The following STPG2 variants were observed in gnomAD, a reference collection of about 807,000 sequenced individuals.
STPG2 encodes the protein sperm tail PG-rich repeat containing 2, also known as sperm-tail PG-rich repeat-containing protein 2.
A neutral mutation model predicts 54.2 loss-of-function variants in STPG2; 56 were observed. The observed-to-expected ratio is 1.03, with a 90% confidence interval of 0.83 to 1.29. STPG2 has a LOEUF of 1.29. Among genes scored for constraint, STPG2 ranks in the 50% most tolerant of loss-of-function variants. The pLI, the probability that STPG2 is intolerant of heterozygous loss-of-function variation, is 0.00. For missense variants in STPG2, 596 were observed against 544.9 expected (o/e 1.09, Z -0.93); for synonymous variants, 200 against 181.8 (o/e 1.10, Z -0.81).
intron 7 of STPG2, among the ~76,000 whole-genome samples, chr4:97,963,325 C>T (rs1480122096): frequency 2.0e-5 from 3 of 152,020 alleles, no homozygotes; most frequent in East Asian, 3.8e-4. Context: ...TATATCAGCA[C>T]TTAAAATAGT....
chr4:97,547,015 T>A (rs200364341), intron 4 of STPG2, among the ~76,000 whole-genome samples: 17 of 152,058 alleles, frequency 1.1e-4, no homozygotes, highest in East Asian at 5.8e-4. Flanking sequence ...TAGGTTTTTT[T>A]AAAAAAAATA....
At chr4:97,954,855 A>G (rs775327749) in intron 7 of STPG2, among the ~76,000 whole-genome samples, 3 of 152,212 alleles carry the variant, frequency 2.0e-5, no homozygotes, top group Non-Finnish European at 2.9e-5. Context: ...AACAGAAGGC[A>G]TGGTCAAAAA....
chr4:97,448,465 T>C (rs558642721), intron 4 of STPG2, among the ~76,000 whole-genome samples: 6 of 152,098 alleles, frequency 3.9e-5, no homozygotes, highest in Non-Finnish European at 7.4e-5. Flanking sequence ...AATTGGATCA[T>C]GGGGGTGTTT....
chr4:97,836,997 C>T (rs1384472114), intron 9 of STPG2, among the ~76,000 whole-genome samples: 6 of 151,310 alleles, frequency 4.0e-5, no homozygotes, highest in Admixed American at 1.3e-4. Flanking sequence ...AGTCTCAATA[C>T]ATATTTGTTA....
chr4:98,029,879 G>C (rs1463154184), intron 5 of STPG2, among the ~76,000 whole-genome samples: 1 of 152,094 alleles, frequency 6.6e-6, no homozygotes, highest in Non-Finnish European at 1.5e-5. Flanking sequence ...TCAGTAGAAA[G>C]GCCAAAGTAA....
chr4:97,672,166 CTTTT>C (rs70953079), intron 10 of STPG2, among the ~76,000 whole-genome samples: 1 of 80,698 alleles, frequency 1.2e-5, no homozygotes, highest in Admixed American at 1.8e-4. Flanking sequence ...ACTGGTAATT[CTTTT>C]TTTTTTTTTT....
intron 4 of STPG2, among the ~76,000 whole-genome samples, chr4:97,546,252 A>G (rs1302190394): frequency 1.3e-5 from 2 of 152,010 alleles, no homozygotes; most frequent in Non-Finnish European, 2.9e-5. Context: ...AATACTAATG[A>G]CAAAACCAAT....
At chr4:97,908,343 A>G (rs1731531473) in intron 8 of STPG2, among the ~76,000 whole-genome samples, 1 of 151,770 alleles carries the variant, frequency 6.6e-6, no homozygotes, top group South Asian at 2.1e-4. Flanking sequence ...TAGAATGGCA[A>G]TCATTAAAAA....
At chr4:97,720,710 T>C (rs938207363) in intron 9 of STPG2, among the ~76,000 whole-genome samples, 8 of 152,006 alleles carry the variant, frequency 5.3e-5, no homozygotes, top group Non-Finnish European at 1.0e-4. Context: ...CCCATATATT[T>C]TAAAAGTTGT....
chr4:97,899,908 T>C (rs1268368272), intron 8 of STPG2, among the ~76,000 whole-genome samples: 1 of 152,164 alleles, frequency 6.6e-6, no homozygotes, highest in South Asian at 2.1e-4. Flanking sequence ...GACACAGGAA[T>C]GGGCAAAGAT....
intron 8 of STPG2, among the ~76,000 whole-genome samples, chr4:97,911,881 G>A (rs1395787720): frequency 6.6e-6 from 1 of 151,966 alleles, no homozygotes; most frequent in African/African-American, 2.4e-5. Context: ...CGTTCTTCCC[G>A]ACTGGGTGAC....
At chr4:97,960,468 A>G (rs1299612942) in intron 7 of STPG2, among the ~76,000 whole-genome samples, 1 of 151,056 alleles carries the variant, frequency 6.6e-6, no homozygotes, top group East Asian at 1.9e-4. Context: ...TCCTCCAAAA[A>G]GCTCCTAGAA....
intron 8 of STPG2, among the ~76,000 whole-genome samples, chr4:97,873,229 C>T (rs1411390614): frequency 2.7e-5 from 4 of 150,694 alleles, no homozygotes; most frequent in Admixed American, 6.6e-5. Context: ...CCTTTCCTTC[C>T]CTTCTTTCTC....
At chr4:97,927,319 A>G (rs1732369414) in intron 8 of STPG2, among the ~76,000 whole-genome samples, 1 of 152,090 alleles carries the variant, frequency 6.6e-6, no homozygotes, top group Non-Finnish European at 1.5e-5. Flanking sequence ...TGTTGGTATA[A>G]TTTTTGTGAT....
intron 10 of STPG2, among the ~76,000 whole-genome samples, chr4:97,645,156 T>G (rs1038759172): frequency 7.9e-5 from 12 of 151,884 alleles, no homozygotes; most frequent in Non-Finnish European, 1.8e-4. Context: ...TTTTATGTAA[T>G]CCAGAGGGAC....
chr4:98,064,600 T>C (rs1002783566), intron 5 of STPG2, among the ~76,000 whole-genome samples: 12 of 152,200 alleles, frequency 7.9e-5, no homozygotes, highest in African/African-American at 2.9e-4. Context: ...TTAGAGGATA[T>C]ACATTATATG....
At chr4:97,576,520 A>G (rs77588386) in intron 10 of STPG2, among the ~76,000 whole-genome samples, 1,606 of 152,274 alleles carry the variant, frequency 0.011, 29 homozygotes, top group African/African-American at 0.035. Context: ...TTTTCAATAC[A>G]TGGTGCTAGG....
chr4:97,530,734 G>A (rs1731395609), intron 4 of STPG2, among the ~76,000 whole-genome samples: 1 of 152,172 alleles, frequency 6.6e-6, no homozygotes, highest in African/African-American at 2.4e-5. Context: ...TTTTGAAACA[G>A]GTATTGAGAA....
chr4:97,590,383 T>G (rs1355208407), intron 10 of STPG2, among the ~76,000 whole-genome samples: 1 of 152,042 alleles, frequency 6.6e-6, no homozygotes, highest in Non-Finnish European at 1.5e-5. Flanking sequence ...GTATCATTAT[T>G]CCTTGGATCC....
Sources: allele counts gnomAD v4.1 joint callset (sites outside exome capture counted in the v4.1 genomes callset), GRCh38; gene constraint gnomAD v4.1.1; transcripts MANE v1.5; gene names NCBI Gene and HGNC (gene_info 2026-07-23, HGNC 2026-07-21).